PLXNA4: variants seen among roughly 807,000 people sequenced by gnomAD.
PLXNA4 encodes the protein plexin-A4.
PLXNA4 carries 44 observed loss-of-function variants against 191.8 expected under a neutral mutation model. That is an observed-to-expected ratio of 0.23 (90% CI 0.18 to 0.29). The LOEUF (loss-of-function observed/expected upper bound fraction) is 0.29, where lower values mean the gene tolerates loss of function less well. Among genes scored for constraint, PLXNA4 ranks in the 10% least tolerant of loss-of-function variants. The pLI, the probability that PLXNA4 is intolerant of heterozygous loss-of-function variation, is 1.00. For missense variants in PLXNA4, 1,800 were observed against 2,488.8 expected, an observed-to-expected ratio of 0.72 and a Z score of 5.89; for synonymous variants, 1,082 against 1,009.5, an observed-to-expected ratio of 1.07 and a Z score of -1.36.
intron 2 of PLXNA4, among the ~76,000 whole-genome samples, chr7:132,493,656 C>T (rs567233707): frequency 2.0e-5 from 3 of 151,756 alleles, no homozygotes; most frequent in Admixed American, 1.3e-4. Flanking sequence ...TAGTGCCTGG[C>T]TTATAATAGG....
intron 3 of PLXNA4, among the ~76,000 whole-genome samples, chr7:132,328,467 G>C (rs771566783): frequency 5.3e-5 from 8 of 152,162 alleles, no homozygotes; most frequent in South Asian, 2.1e-4. Context: ...TAATAGGAGC[G>C]GGGGGGCCTC....
intron 24 of PLXNA4, among the ~76,000 whole-genome samples, chr7:132,160,877 A>G (rs1795929960): frequency 6.6e-6 from 1 of 152,136 alleles, no homozygotes. Flanking sequence ...TAGCAACTAG[A>G]CTGCTATGAG....
chr7:132,426,321 C>T (rs1795042773), intron 3 of PLXNA4, among the ~76,000 whole-genome samples: 1 of 152,170 alleles, frequency 6.6e-6, no homozygotes, highest in African/African-American at 2.4e-5. Flanking sequence ...TCAGGAACAC[C>T]CCTCCACTGG....
At chr7:132,492,593 G>T (rs2117550966) in intron 2 of PLXNA4, among the ~76,000 whole-genome samples, 1 of 152,314 alleles carries the variant, frequency 6.6e-6, no homozygotes, top group African/African-American at 2.4e-5. Context: ...AGGTCTTCAT[G>T]ATTGCTGAGG....
chr7:132,185,542 G>T, intron 15 of PLXNA4, 79 bp from the exon 16 acceptor site: 5 of 1,514,564 alleles, frequency 3.3e-6, no homozygotes, highest in African/African-American at 1.4e-5. Context: ...CTCCCACACC[G>T]CTCCCTGCAT....
At chr7:132,160,001 C>G (rs1196722296) in intron 24 of PLXNA4, among the ~76,000 whole-genome samples, 1 of 152,228 alleles carries the variant, frequency 6.6e-6, no homozygotes, top group Non-Finnish European at 1.5e-5. Flanking sequence ...CGTGCTATCT[C>G]TCTCACATGC....
chr7:132,525,433 A>T (rs1799362182), intron 1 of PLXNA4, among the ~76,000 whole-genome samples: 1 of 151,992 alleles, frequency 6.6e-6, no homozygotes, highest in African/African-American at 2.4e-5. Context: ...AAATTTTTGT[A>T]GAGTTGATTC....
chr7:132,559,098 C>T (rs1800920354), intron 1 of PLXNA4, among the ~76,000 whole-genome samples: 1 of 152,142 alleles, frequency 6.6e-6, no homozygotes, highest in South Asian at 2.1e-4. Context: ...TGACCTCTGC[C>T]TCCTAGTAAG....
At chr7:132,262,360 T>C (rs1416309238) in intron 4 of PLXNA4, among the ~76,000 whole-genome samples, 1 of 152,214 alleles carries the variant, frequency 6.6e-6, no homozygotes, top group Non-Finnish European at 1.5e-5. Context: ...AATGATGTCC[T>C]GGGCTGATGG....
intron 4 of PLXNA4, among the ~76,000 whole-genome samples, chr7:132,294,369 G>A (rs982747113): frequency 2.6e-5 from 4 of 152,360 alleles, no homozygotes; most frequent in South Asian, 2.1e-4. Context: ...CAGGGAGAGC[G>A]GGGAGAGCGG....
chr7:132,185,282 C>A lies in PLXNA4; in HGVS notation c.3158+17G>T. On this transcript the variant is annotated intron_variant, in intron 16 of 31. Transcript: ENST00000321063. Reference sequence around the variant, plus strand: ...AGAGGTGCAGAAGCATTAAGGTCCGCTTGGGCCAGCTCCTACCTGACAATG... The same window carrying A: ...AGAGGTGCAGAAGCATTAAGGTCCGATTGGGCCAGCTCCTACCTGACAATG... The A allele has an allele frequency of 1.2e-6, 2 of 1,603,860 alleles. No homozygotes were observed. The highest frequency in any genetic ancestry group is 2.2e-5 in the South Asian group (2 of 89,398).
At chr7:132,540,394 T>C (rs1279284561) in intron 1 of PLXNA4, among the ~76,000 whole-genome samples, 2 of 152,008 alleles carry the variant, frequency 1.3e-5, no homozygotes, top group African/African-American at 4.8e-5. Flanking sequence ...ATGCAATTGC[T>C]TCAATTGCCC....
At chr7:132,322,990 G>A (rs1301865476) in intron 3 of PLXNA4, among the ~76,000 whole-genome samples, 1 of 152,190 alleles carries the variant, frequency 6.6e-6, no homozygotes, top group Admixed American at 6.5e-5. Flanking sequence ...TACAAGGGTT[G>A]GGGAGGGGTG....
At chr7:132,408,069 T>G (rs1794296405) in intron 3 of PLXNA4, among the ~76,000 whole-genome samples, 1 of 152,166 alleles carries the variant, frequency 6.6e-6, no homozygotes, top group Non-Finnish European at 1.5e-5. Context: ...GCACAATAAT[T>G]TTCATATCAG....
chr7:132,536,415 A>C (rs1455038835), intron 1 of PLXNA4, among the ~76,000 whole-genome samples: 2 of 152,018 alleles, frequency 1.3e-5, no homozygotes, highest in African/African-American at 4.8e-5. Flanking sequence ...GCCTACCTCC[A>C]CCTCTGCATG....
chr7:132,296,556 AG>A (rs1387493859), intron 4 of PLXNA4, among the ~76,000 whole-genome samples: 6 of 152,022 alleles, frequency 3.9e-5, no homozygotes, highest in African/African-American at 1.4e-4. Context: ...TATAGGTGCA[AG>A]ACCCTGCACC....
chr7:132,525,732 G>A (rs1799374712), intron 1 of PLXNA4, among the ~76,000 whole-genome samples: 1 of 152,114 alleles, frequency 6.6e-6, no homozygotes, highest in South Asian at 2.1e-4. Context: ...AGACCCACAG[G>A]ATTATAATAA....
intron 4 of PLXNA4, among the ~76,000 whole-genome samples, chr7:132,269,899 C>T (rs1483745870): frequency 2.0e-5 from 3 of 151,894 alleles, no homozygotes; most frequent in East Asian, 1.9e-4. Flanking sequence ...GGGAGCTGTC[C>T]CTAGTACATT....
intron 1 of PLXNA4, among the ~76,000 whole-genome samples, chr7:132,523,949 C>T (rs1799294934): frequency 6.6e-6 from 1 of 152,120 alleles, no homozygotes; most frequent in Non-Finnish European, 1.5e-5. Context: ...CCCACCTGGC[C>T]CAGGTTGATG....
Sources: gnomAD v4.1 joint callset for allele counts (sites outside exome capture counted in the v4.1 genomes callset) on GRCh38, gnomAD v4.1.1 for gene constraint, MANE v1.5 for transcripts, NCBI Gene and HGNC (gene_info 2026-07-23, HGNC 2026-07-21) for gene names.